The following TMEM233 variants were observed in gnomAD, a reference collection of about 807,000 sequenced individuals.
TMEM233 encodes dispanin subfamily B member 2.
In TMEM233, 6 loss-of-function variants were observed where a neutral mutation model predicts 11.2. The observed-to-expected ratio is 0.54, with a 90% CI of 0.29 to 1.06. The LOEUF is 1.06. TMEM233 is among the 50% of genes least tolerant of loss of function. The probability of loss-of-function intolerance (pLI) is 0.08; values close to 1 mark genes in which losing one functional copy is unlikely to be tolerated. For synonymous variants in TMEM233, 59 were observed against 55.8 expected, an observed-to-expected ratio of 1.06 and a Z score of -0.26; for missense variants, 127 against 144.7, an observed-to-expected ratio of 0.88 and a Z score of 0.63.
intron 1 of TMEM233, among the ~76,000 whole-genome samples, chr12:119,600,554 T>C (rs1035051867): frequency 1.2e-4 from 18 of 152,280 alleles, no homozygotes; most frequent in African/African-American, 4.3e-4. Flanking sequence ...CATCGATGGA[T>C]GAATAGGTAA....
intron 1 of TMEM233, among the ~76,000 whole-genome samples, chr12:119,605,447 A>G (rs562578845): frequency 7.8e-4 from 70 of 90,156 alleles, no homozygotes; most frequent in South Asian, 5.6e-3. Flanking sequence ...TTTTTTTTTG[A>G]GACAGGGCCT....
At chr12:119,648,261 T>C in the TMEM233 span, among the ~76,000 whole-genome samples, 1 of 152,234 alleles carries the variant, frequency 6.6e-6, no homozygotes, top group African/African-American at 2.4e-5. Context: ...ACTTATTTAT[T>C]ATCTTCTTTA....
chr12:119,633,967 C>T (rs1954930440), intron 2 of TMEM233, among the ~76,000 whole-genome samples: 1 of 152,236 alleles, frequency 6.6e-6, no homozygotes, highest in Non-Finnish European at 1.5e-5. Context: ...CTTTCAGCTG[C>T]CCCTGCTCCC....
At chr12:119,633,976 C>T (rs6490260) in intron 2 of TMEM233, among the ~76,000 whole-genome samples, 116,537 of 152,174 alleles carry the variant, frequency 0.77, 44,815 homozygotes, top group Middle Eastern at 0.85. Flanking sequence ...GCCCCTGCTC[C>T]CAACCTGAGG....
At chr12:119,609,889 G>C (rs1017569588) in intron 1 of TMEM233, among the ~76,000 whole-genome samples, 2 of 152,250 alleles carry the variant, frequency 1.3e-5, no homozygotes, top group African/African-American at 4.8e-5. Context: ...CCCCCACAGA[G>C]TCCCCATGGG....
At chr12:119,647,347 A>G (rs1955167337), downstream of TMEM233, among the ~76,000 whole-genome samples, 1 of 152,262 alleles carries the variant, frequency 6.6e-6, no homozygotes, top group Admixed American at 6.5e-5. Context: ...AGTTAAGACA[A>G]GCATTTGCCC....
intron 1 of TMEM233, among the ~76,000 whole-genome samples, chr12:119,620,730 A>C (rs529460943): frequency 9.2e-5 from 14 of 152,368 alleles, no homozygotes; most frequent in African/African-American, 3.4e-4. Flanking sequence ...GAAGTCTATC[A>C]ATATAACTCA....
intron 1 of TMEM233, among the ~76,000 whole-genome samples, chr12:119,609,800 C>T (rs1335908007): frequency 6.6e-6 from 1 of 152,216 alleles, no homozygotes. Context: ...GATGTCCAGG[C>T]AGAGGTTTGC....
chr12:119,615,777 T>C (rs892622988), intron 1 of TMEM233, among the ~76,000 whole-genome samples: 1 of 152,132 alleles, frequency 6.6e-6, no homozygotes, highest in South Asian at 2.1e-4. Context: ...AGCTTTGCCG[T>C]CTGGTGTGAA....
chr12:119,650,509 T>C, the TMEM233 span, among the ~76,000 whole-genome samples: 7 of 152,260 alleles, frequency 4.6e-5, no homozygotes, highest in Non-Finnish European at 1.0e-4. Context: ...AATGACCTAA[T>C]AGCCTATTAC....
At chr12:119,623,486 C>T (rs10744741) in intron 1 of TMEM233, among the ~76,000 whole-genome samples, 118,156 of 150,958 alleles carry the variant, frequency 0.78, 46,365 homozygotes, top group Middle Eastern at 0.86. Context: ...GGCAGGTGGA[C>T]TGCTTGAGGT....
intron 2 of TMEM233, among the ~76,000 whole-genome samples, chr12:119,635,172 C>T (rs1043500091): frequency 1.3e-5 from 2 of 152,220 alleles, no homozygotes; most frequent in African/African-American, 4.8e-5. Context: ...AACCTATTTG[C>T]AGGCTTTTGC....
intron 1 of TMEM233, among the ~76,000 whole-genome samples, chr12:119,616,198 A>G (rs1954528149): frequency 6.6e-6 from 1 of 152,222 alleles, no homozygotes; most frequent in Admixed American, 6.5e-5. Flanking sequence ...CGTTTTGCCA[A>G]CATGAGCCTA....
the TMEM233 span, among the ~76,000 whole-genome samples, chr12:119,654,039 GA>G: frequency 6.7e-6 from 1 of 150,084 alleles, no homozygotes; most frequent in East Asian, 2.0e-4. Context: ...CAAATTACTG[GA>G]AAAAGAAAAA....
downstream of TMEM233, among the ~76,000 whole-genome samples, chr12:119,645,253 A>G (rs1291848707): frequency 1.3e-5 from 2 of 148,326 alleles, no homozygotes; most frequent in Non-Finnish European, 3.0e-5. Context: ...CATGATGCAC[A>G]TATCTTGATA....
At chr12:119,606,070 A>G (rs1373214982) in intron 1 of TMEM233, among the ~76,000 whole-genome samples, 2 of 152,210 alleles carry the variant, frequency 1.3e-5, no homozygotes, top group South Asian at 4.1e-4. Context: ...AGCAAAATCT[A>G]AACTAGAAAT....
chr12:119,623,118 A>C (rs983848871), intron 1 of TMEM233, among the ~76,000 whole-genome samples: 1 of 152,186 alleles, frequency 6.6e-6, no homozygotes, highest in Non-Finnish European at 1.5e-5. Context: ...CTCATGGGCA[A>C]TGCACAGGTG....
chr12:119,649,854 T>TAAAAAAAAAAAA, the TMEM233 span, among the ~76,000 whole-genome samples: 28 of 91,312 alleles, frequency 3.1e-4, no homozygotes, highest in African/African-American at 1.2e-3. Flanking sequence ...GTTTAACTAT[T>TAAAAAAAAAAAA]AAAAAAAAAA....
intron 1 of TMEM233, among the ~76,000 whole-genome samples, chr12:119,623,058 T>C (rs1954676081): frequency 6.6e-6 from 1 of 152,210 alleles, no homozygotes. Context: ...ACAGCCTCTC[T>C]GCCTTGTATC....
Sources: allele counts gnomAD v4.1 joint callset (sites outside exome capture counted in the v4.1 genomes callset), GRCh38; gene constraint gnomAD v4.1.1; transcripts MANE v1.5; gene names NCBI Gene and HGNC (gene_info 2026-07-23, HGNC 2026-07-21).